Variants in PCDHA10 observed in about 807,000 individuals in gnomAD.
The protein encoded by PCDHA10 is protocadherin alpha 10, also known as protocadherin alpha-10.
PCDHA10 carries 45 observed loss-of-function variants against 61.2 expected under a neutral mutation model. That is an observed-to-expected ratio of 0.74 (90% confidence interval 0.58 to 0.94). The LOEUF (loss-of-function observed/expected upper bound fraction) is 0.94, where lower values mean the gene tolerates loss of function less well. PCDHA10 is among the 40% of genes least tolerant of loss of function. PCDHA10 has a pLI of 0.00. For synonymous variants in PCDHA10, 602 were observed against 548.8 expected (o/e 1.10, Z -1.35); for missense variants, 1,278 against 1,236.2 (o/e 1.03, Z -0.51).
chr5:140,929,497 C>A, intron 1 of PCDHA10: 1 of 977,560 alleles, frequency 1.0e-6, no homozygotes, highest in Non-Finnish European at 1.4e-6. Context: ...TAGAAGATTG[C>A]CCTAGGCCTC....
intron 1 of PCDHA10, among the ~76,000 whole-genome samples, chr5:140,910,668 C>G (rs2075124281): frequency 6.6e-6 from 1 of 152,172 alleles, no homozygotes; most frequent in Admixed American, 6.5e-5. Flanking sequence ...TACATTAAAC[C>G]AAGGGAGATC....
chr5:140,879,744 A>T (rs1356373675), intron 1 of PCDHA10, among the ~76,000 whole-genome samples: 1 of 152,212 alleles, frequency 6.6e-6, no homozygotes, highest in Admixed American at 6.5e-5. Flanking sequence ...AGGTGTTGTC[A>T]AGGCTATACT....
At chr5:141,009,295 A>T (rs782350734) in intron 3 of PCDHA10, among the ~76,000 whole-genome samples, 13 of 152,030 alleles carry the variant, frequency 8.6e-5, no homozygotes, top group Admixed American at 3.9e-4. Context: ...TTTCTATAAA[A>T]TTTTTTTTAA....
At chr5:140,933,833 A>C (rs944428844) in intron 1 of PCDHA10, among the ~76,000 whole-genome samples, 1 of 151,928 alleles carries the variant, frequency 6.6e-6, no homozygotes, top group Non-Finnish European at 1.5e-5. Flanking sequence ...TATTGCTCCT[A>C]TTTCATTCCT....
chr5:140,874,215 G>A (rs2054781939), intron 1 of PCDHA10, among the ~76,000 whole-genome samples: 1 of 152,180 alleles, frequency 6.6e-6, no homozygotes, highest in Non-Finnish European at 1.5e-5. Context: ...ATTATTATAT[G>A]CAGTAGGAAT....
chr5:140,910,058 T>A (rs571957156), intron 1 of PCDHA10, among the ~76,000 whole-genome samples: 5 of 152,344 alleles, frequency 3.3e-5, no homozygotes, highest in African/African-American at 9.6e-5. Flanking sequence ...TAAGTGATCT[T>A]TTAACAGCGT....
intron 1 of PCDHA10, among the ~76,000 whole-genome samples, chr5:140,933,844 G>A (rs2089450133): frequency 6.6e-6 from 1 of 151,910 alleles, no homozygotes; most frequent in South Asian, 2.1e-4. Context: ...TTTCATTCCT[G>A]TACCTTTAAT....
chr5:141,002,080 C>A (rs1220737696), intron 3 of PCDHA10, among the ~76,000 whole-genome samples: 1 of 152,236 alleles, frequency 6.6e-6, no homozygotes, highest in Non-Finnish European at 1.5e-5. Context: ...CGCCAAAGAA[C>A]GAGCAGTCCA....
In PCDHA10 at chr5:140,876,087, G is replaced by T. The variant is rs1554168252; in HGVS notation, c.2388+17651G>T. ...GGAAGTTATTGGACAGAGAGCAAAC[G>T]CCAAAACTCAATTTATTGCTGATGG... On this transcript the variant is annotated intron_variant, in intron 1 of 3. Coordinates refer to ENST00000307360, the MANE Select transcript of PCDHA10 (RefSeq NM_018901.4). The T allele has an allele frequency of 1.9e-6, 3 of 1,613,922 alleles. No individual in the cohort carries two copies. The South Asian group carries it at 3.3e-5, about 18-fold the overall frequency.
At chr5:140,954,512 T>C (rs2095046956) in intron 1 of PCDHA10, among the ~76,000 whole-genome samples, 1 of 152,254 alleles carries the variant, frequency 6.6e-6, no homozygotes, top group Non-Finnish European at 1.5e-5. Flanking sequence ...TGCATTTACC[T>C]AATGATCAGT....
chr5:140,929,580 T>A (rs1035039235), intron 1 of PCDHA10: 13 of 442,122 alleles, frequency 2.9e-5, no homozygotes, highest in African/African-American at 1.0e-4. Context: ...AAAAGTAATA[T>A]GACATAAAGG....
chr5:140,927,131 C>T (rs782433395), intron 1 of PCDHA10: 1 of 1,614,078 alleles, frequency 6.2e-7, no homozygotes, highest in Non-Finnish European at 8.5e-7. Context: ...GTCAGAGAGC[C>T]GGCGGACCGC....
chr5:140,883,071 A>T, intron 1 of PCDHA10: 1 of 1,614,116 alleles, frequency 6.2e-7, no homozygotes, highest in Non-Finnish European at 8.5e-7. Context: ...AATGCCACAG[A>T]TCCTGATGAT....
chr5:140,972,478 AC>A (rs2096537655), intron 1 of PCDHA10, among the ~76,000 whole-genome samples: 2 of 151,866 alleles, frequency 1.3e-5, no homozygotes, highest in Admixed American at 1.3e-4. Flanking sequence ...TCAGCATTTA[AC>A]CCCAGACTCT....
At chr5:140,968,141 A>G in intron 1 of PCDHA10, 1 of 1,614,110 alleles carries the variant, frequency 6.2e-7, no homozygotes, top group Non-Finnish European at 8.5e-7. Context: ...GAAGGTTGAG[A>G]TCTCTGACAT....
chr5:140,887,081 T>C (rs2061290342), intron 1 of PCDHA10, among the ~76,000 whole-genome samples: 1 of 152,076 alleles, frequency 6.6e-6, no homozygotes, highest in Non-Finnish European at 1.5e-5. Context: ...TCAGCTTTTG[T>C]CTGAGAAATA....
intron 1 of PCDHA10, among the ~76,000 whole-genome samples, chr5:140,872,601 AAAT>A (rs1346815805): frequency 2.6e-5 from 4 of 152,140 alleles, no homozygotes; most frequent in African/African-American, 7.2e-5. Flanking sequence ...CCATCTGAAA[AAAT>A]AATTTTTTTT....
intron 1 of PCDHA10, chr5:140,966,863 C>G: frequency 6.4e-7 from 1 of 1,562,680 alleles, no homozygotes; most frequent in Non-Finnish European, 8.6e-7. Flanking sequence ...GCTGCTGTTG[C>G]TGCTGCTGCT....
intron 1 of PCDHA10, among the ~76,000 whole-genome samples, chr5:140,941,848 G>A (rs2093183003): frequency 6.6e-6 from 1 of 152,142 alleles, no homozygotes; most frequent in South Asian, 2.1e-4. Flanking sequence ...GCCATTACCT[G>A]ATATTCCCTA....
Sources: allele counts gnomAD v4.1 joint callset (sites outside exome capture counted in the v4.1 genomes callset), GRCh38; gene constraint gnomAD v4.1.1; transcripts MANE v1.5; gene names NCBI Gene and HGNC (gene_info 2026-07-23, HGNC 2026-07-21).